The following BRCA1 variants were observed in gnomAD, a reference collection of about 807,000 sequenced individuals.
BRCA1 encodes BRCA1 DNA repair associated.
In BRCA1, 140 loss-of-function variants were observed where a neutral mutation model predicts 173.7. That is an observed-to-expected ratio of 0.81 (90% CI 0.70 to 0.93). BRCA1 has a LOEUF of 0.93. BRCA1 is among the 40% of genes least tolerant of loss of function. BRCA1 has a pLI of 0.00. For synonymous variants in BRCA1, 662 were observed against 756.0 expected, an observed-to-expected ratio of 0.88 and a Z score of 2.04; for missense variants, 1,983 against 2,172.5, an observed-to-expected ratio of 0.91 and a Z score of 1.73.
intron 8 of BRCA1, among the ~76,000 whole-genome samples, chr17:43,096,375 T>TAAAAAAAAAA (rs1209258476): frequency 1.9e-5 from 1 of 53,772 alleles, no homozygotes; most frequent in Non-Finnish European, 3.8e-5. Flanking sequence ...AGACTCTGTC[T>TAAAAAAAAAA]CAAAAAAAAA....
chr17:43,093,020 A>C lies in BRCA1; in HGVS notation c.2511T>G (p.Val837=). 1.2e-6 allele frequency: 2 copies of C among 1,613,940 alleles called. No homozygotes were observed. Among genetic ancestry groups the C allele is most frequent in the Non-Finnish European group, 1.7e-6 (2 of 1,179,960 alleles). The change falls in exon 10 of 23, where the codon GTT becomes GTG. Residue 837 remains valine (V), a synonymous_variant. Coordinates refer to ENST00000357654, the MANE Select transcript of BRCA1 (RefSeq NM_007294.4). ...CTATGCTTGTTTCCCGACTGTGGTTAACTTCATGTCCCAATGGATACTTAA... is the reference window on the plus strand; with the variant it reads ...CTATGCTTGTTTCCCGACTGTGGTTCACTTCATGTCCCAATGGATACTTAA... ...EGFKYPLGHE[V]NHSRETSIEM...
chr17:43,066,800 CA>C (rs2052093680), intron 16 of BRCA1, among the ~76,000 whole-genome samples: 1 of 150,048 alleles, frequency 6.7e-6, no homozygotes, highest in Admixed American at 6.7e-5. Flanking sequence ...CTCAGCTCAC[CA>C]CCCTCCAAAC....
intron 13 of BRCA1, among the ~76,000 whole-genome samples, chr17:43,074,904 G>C (rs1280318660): frequency 6.7e-6 from 1 of 150,050 alleles, no homozygotes; most frequent in Non-Finnish European, 1.5e-5. Flanking sequence ...CTGAGTGACA[G>C]AGCAAGACTC....
At chr17:43,135,375 C>T (rs553653410) in intron 1 of BRCA1, among the ~76,000 whole-genome samples, 18 of 152,364 alleles carry the variant, frequency 1.2e-4, no homozygotes, top group African/African-American at 3.4e-4. Flanking sequence ...TTGATTAGGA[C>T]GCGTTGCTGT....
intron 1 of BRCA1, among the ~76,000 whole-genome samples, chr17:43,168,901 A>G (rs766233716): frequency 1.3e-5 from 2 of 152,104 alleles, no homozygotes; most frequent in Non-Finnish European, 2.9e-5. Flanking sequence ...ACCAAAATCA[A>G]CAACGACCAA....
intron 1 of BRCA1, among the ~76,000 whole-genome samples, chr17:43,130,962 T>C (rs577227359): frequency 6.6e-6 from 1 of 152,362 alleles, no homozygotes; most frequent in South Asian, 2.1e-4. Context: ...TTCTGACTTC[T>C]TCTATGAATT....
intron 6 of BRCA1, among the ~76,000 whole-genome samples, chr17:43,102,996 A>G (rs1213528826): frequency 1.3e-5 from 2 of 151,426 alleles, no homozygotes; most frequent in African/African-American, 2.4e-5. Flanking sequence ...GTGTTGCCCA[A>G]GCTGGGCTCA....
chr17:43,104,284 T>C lies in BRCA1; in HGVS notation c.302-23A>G, dbSNP rs781404807. ...CATCTGTAAAATACAAGGGAAAACA[T>C]TATGTTTGCAGTTAGAGAAAAATGT... is the stretch of plus-strand genomic sequence containing the variant. On this transcript the variant is annotated intron_variant, in intron 5 of 22. Coordinates refer to ENST00000357654, the MANE Select transcript of BRCA1 (RefSeq NM_007294.4). The C allele has an allele frequency of 2.5e-6, 4 of 1,605,664 alleles. No homozygotes were observed. The highest frequency in any genetic ancestry group is 3.4e-6 in the Non-Finnish European group (4 of 1,173,728).
intron 1 of BRCA1, among the ~76,000 whole-genome samples, chr17:43,151,831 G>A (rs2056163992): frequency 1.3e-5 from 2 of 152,202 alleles, no homozygotes; most frequent in Non-Finnish European, 2.9e-5. Context: ...AACTGTTCAA[G>A]GTTGCAATGA....
In BRCA1 at chr17:43,094,010, T is replaced by C. The variant is rs2154440939; in HGVS notation, c.1521A>G (p.Arg507=). The C allele has an allele frequency of 1.2e-6, 2 of 1,614,004 alleles. No individual in the cohort carries two copies. Among genetic ancestry groups the C allele is most frequent in the Non-Finnish European group, 8.5e-7 (1 of 1,179,976 alleles). The change falls in exon 10 of 23, where the codon AGA becomes AGG. Residue 507 remains arginine (R), a synonymous_variant. Coordinates refer to ENST00000357654, the MANE Select transcript of BRCA1 (RefSeq NM_007294.4). ...PLTNKLKRKR[R]PTSGLHPEDF... is the part of the protein sequence containing the mutation. ...CCTCAGGATGAAGGCCTGATGTAGG[T>C]CTCCTTTTACGCTTTAATTTATTTG...
upstream of BRCA1, among the ~76,000 whole-genome samples, chr17:43,127,963 G>A (rs888468487): frequency 1.4e-5 from 2 of 144,872 alleles, no homozygotes; most frequent in African/African-American, 5.3e-5. Flanking sequence ...GGCGGAGCTT[G>A]CAGTGAGCCC....
intron 6 of BRCA1, among the ~76,000 whole-genome samples, chr17:43,102,524 T>C (rs905803606): frequency 1.3e-5 from 2 of 151,602 alleles, no homozygotes; most frequent in Non-Finnish European, 2.9e-5. Flanking sequence ...ACCCAGCTAA[T>C]TTTTGTATTT....
At chr17:43,079,848 G>A (rs1460368256) in intron 12 of BRCA1, 1 of 674,540 alleles carries the variant, frequency 1.5e-6, no homozygotes, top group Non-Finnish European at 2.6e-6. Flanking sequence ...TCTATCACCA[G>A]AACATTTAGC....
chr17:43,053,113 T>C (rs535739898), intron 19 of BRCA1, among the ~76,000 whole-genome samples: 93 of 152,098 alleles, frequency 6.1e-4, no homozygotes, highest in Non-Finnish European at 2.5e-4. Context: ...CCTGACCTCA[T>C]GATCCACCCG....
rs34942571 is a variant in BRCA1, at chr17:43,121,362, G to C, written c.80+2655C>G. 0.3 allele frequency among the ~76,000 whole-genome samples: 45,558 copies of C among 150,796 alleles called. 7,407 individuals are homozygous for C. Among genetic ancestry groups the C allele is most frequent in the South Asian group, 0.5 (2,368 of 4,778 alleles). ...TGCACTCCAGCCTAGGCAGCAGAGC[G>C]AGACCGTGTCTCAAAAAAACAAAAC... On this transcript the variant is annotated intron_variant, in intron 2 of 22. Coordinates refer to ENST00000357654, the MANE Select transcript of BRCA1 (RefSeq NM_007294.4).
chr17:43,166,759 A>C (rs1283782832), intron 1 of BRCA1: 1 of 152,266 alleles, frequency 6.6e-6, no homozygotes, highest in East Asian at 1.9e-4. Context: ...CCAAAGTATC[A>C]AGCAATCCAA....
intron 1 of BRCA1, among the ~76,000 whole-genome samples, chr17:43,130,951 G>A (rs1343564931): frequency 6.6e-6 from 1 of 152,166 alleles, no homozygotes; most frequent in African/African-American, 2.4e-5. Flanking sequence ...TTTGTTAGGT[G>A]TTCTGACTTC....
intron 21 of BRCA1, among the ~76,000 whole-genome samples, chr17:43,048,161 T>C (rs2051016479): frequency 1.3e-5 from 2 of 152,128 alleles, no homozygotes; most frequent in Non-Finnish European, 2.9e-5. Context: ...CTCCCAGTGT[T>C]GTGATTACAG....
rs8176108 is a variant in BRCA1 at position 43,113,790 on chromosome 17, G to C, written c.134+1936C>G. 0.015 allele frequency among the ~76,000 whole-genome samples: 2,239 copies of C among 151,934 alleles called. 47 individuals are homozygous for C. The highest frequency in any genetic ancestry group is 0.051 in the African/African-American group (2,129 of 41,470). ...AACTTAATCTCTCTTTTTTTGTTAAGAGACAGGGTCAGCCAGGCGCGGTGG... is the reference window on the plus strand; with the variant it reads ...AACTTAATCTCTCTTTTTTTGTTAACAGACAGGGTCAGCCAGGCGCGGTGG... On this transcript the variant is annotated intron_variant, in intron 3 of 22. Coordinates refer to ENST00000357654, the MANE Select transcript of BRCA1 (RefSeq NM_007294.4).
Sources: gnomAD v4.1 joint callset for allele counts (sites outside exome capture counted in the v4.1 genomes callset) on GRCh38, gnomAD v4.1.1 for gene constraint, MANE v1.5 for transcripts, NCBI Gene and HGNC (gene_info 2026-07-23, HGNC 2026-07-21) for gene names.